CPS1: variants seen among roughly 807,000 people sequenced by gnomAD.
CPS1 encodes carbamoyl-phosphate synthase 1.
CPS1 carries 109 observed loss-of-function variants against 174.6 expected under a neutral mutation model. The ratio of observed to expected loss-of-function variants is 0.62; its 90% CI spans 0.53 to 0.73. The LOEUF (loss-of-function observed/expected upper bound fraction) is 0.73, where lower values mean the gene tolerates loss of function less well. Ranked by LOEUF, CPS1 falls within the 30% of genes least tolerant of loss-of-function variation. The pLI is 0.00. For synonymous variants in CPS1, 637 were observed against 632.0 expected (o/e 1.01, Z -0.12); for missense variants, 1,689 against 1,821.9 (o/e 0.93, Z 1.33).
At chr2:210,528,438 T>C (rs1696031258) in intron 1 of CPS1, among the ~76,000 whole-genome samples, 1 of 152,022 alleles carries the variant, frequency 6.6e-6, no homozygotes, top group African/African-American at 2.4e-5. Flanking sequence ...ATGTATTGAT[T>C]TAATTCATGT....
In CPS1 at chr2:210,491,307, G is replaced by GTTTTTTTTTTTTTTTTTTTT. The variant is rs66825517; in HGVS notation, c.3+13553_3+13572dup. ...GTAAAAGCATGTATTTGGTATCTGT[G>GTTTTTTTTTTTTTTTTTTTT]TTTTTTTTTTTTTTTTTTTTTTTTT... On this transcript the variant is annotated intron_variant, in intron 1 of 38. Coordinates refer to the CPS1 transcript ENST00000430249. 3.2e-4 allele frequency among the ~76,000 whole-genome samples: 16 copies of GTTTTTTTTTTTTTTTTTTTT among 50,354 alleles called. 3 individuals carry two copies. Among genetic ancestry groups the GTTTTTTTTTTTTTTTTTTTT allele is most frequent in the African/African-American group, 1.5e-3 (15 of 9,984 alleles). The allele number at this position is 50,354 out of a possible 152,430, so 33.0% of individuals were successfully genotyped here.
rs1252245982 is a variant in CPS1, at chr2:210,599,390, G to A, written c.1378G>A (p.Val460Ile). ...KAMKEENVKT[V>I]LMNPNIASVQ... Reference sequence around the variant, plus strand: ...CTTTCAGGAAGAAAATGTCAAAACTGTTCTGATGAACCCAAACATTGCATC... The same window carrying A: ...CTTTCAGGAAGAAAATGTCAAAACTATTCTGATGAACCCAAACATTGCATC... The change falls in exon 14 of 38, where the codon GTT becomes ATT. Residue 460 changes from valine to isoleucine, a missense_variant. Transcript: ENST00000233072. 6.2e-7 allele frequency: 1 copy of A among 1,612,292 alleles called. No homozygotes were observed. The highest frequency in any genetic ancestry group is 1.1e-5 in the South Asian group (1 of 91,066).
At chr2:210,591,682 T>G (rs1698303627) in intron 9 of CPS1, 149 bp from the exon 10 acceptor site, 1 of 805,274 alleles carries the variant, frequency 1.2e-6, no homozygotes, top group Non-Finnish European at 1.9e-6. Flanking sequence ...ATTAACAATC[T>G]GTGACTTTTC....
At chr2:210,557,447 G>A (rs1430531128) in intron 1 of CPS1, among the ~76,000 whole-genome samples, 1 of 151,950 alleles carries the variant, frequency 6.6e-6, no homozygotes, top group African/African-American at 2.4e-5. Context: ...AATACATAGA[G>A]GCAGATAGCA....
chr2:210,569,885 A>G (rs888816291), intron 1 of CPS1, among the ~76,000 whole-genome samples: 5 of 151,568 alleles, frequency 3.3e-5, no homozygotes, highest in Admixed American at 1.3e-4. Context: ...GGCAGTAGGC[A>G]CTTAAATTAT....
At chr2:210,575,699 C>T (rs1697674763) in intron 2 of CPS1, among the ~76,000 whole-genome samples, 1 of 151,970 alleles carries the variant, frequency 6.6e-6, no homozygotes, top group Non-Finnish European at 1.5e-5. Context: ...GAATTTTTTT[C>T]TAAGCAGATA....
intron 1 of CPS1, among the ~76,000 whole-genome samples, chr2:210,485,249 A>AAATAAAC (rs1694685220): frequency 6.6e-6 from 1 of 151,564 alleles, no homozygotes; most frequent in Non-Finnish European, 1.5e-5. Flanking sequence ...AAAAAAATAA[A>AAATAAAC]ATAAAAATAA....
intron 1 of CPS1, among the ~76,000 whole-genome samples, chr2:210,549,808 A>G (rs2664230): frequency 0.41 from 61,748 of 151,792 alleles, 12,770 homozygotes; most frequent in Middle Eastern, 0.51. Context: ...GCAGAAAGCA[A>G]TCCTGTTTCC....
chr2:210,495,176 T>A (rs1465094996), intron 1 of CPS1, among the ~76,000 whole-genome samples: 4 of 152,240 alleles, frequency 2.6e-5, no homozygotes, highest in Non-Finnish European at 5.9e-5. Flanking sequence ...CATTCTTTTT[T>A]ATGGTTTACT....
At chr2:210,534,034 C>A (rs1696184768) in intron 1 of CPS1, among the ~76,000 whole-genome samples, 1 of 152,086 alleles carries the variant, frequency 6.6e-6, no homozygotes, top group Non-Finnish European at 1.5e-5. Context: ...TTGGTTGCTC[C>A]TTGATTAGTC....
At chr2:210,648,208 T>C (rs1321991817) in intron 26 of CPS1, 151 bp downstream of exon 26, 1 of 787,988 alleles carries the variant, frequency 1.3e-6, no homozygotes, top group Non-Finnish European at 2.1e-6. Context: ...ATATCCATGA[T>C]TGCAGTTAAT....
intron 17 of CPS1, 40 bp downstream of exon 17, chr2:210,605,286 GT>G (rs1385808664): frequency 6.2e-7 from 1 of 1,608,774 alleles, no homozygotes; most frequent in African/African-American, 1.3e-5. Flanking sequence ...AATGCTTTCA[GT>G]TCATGTCTTT....
chr2:210,571,288 C>T (rs1697471264), intron 1 of CPS1, among the ~76,000 whole-genome samples: 2 of 151,838 alleles, frequency 1.3e-5, no homozygotes, highest in African/African-American at 4.8e-5. Flanking sequence ...ATCTTTAACT[C>T]AAAGATAATT....
intron 21 of CPS1, among the ~76,000 whole-genome samples, chr2:210,617,015 T>A (rs1015789594): frequency 6.6e-6 from 1 of 152,040 alleles, no homozygotes; most frequent in African/African-American, 2.4e-5. Flanking sequence ...TGTTTTTAAA[T>A]TGGGACATTC....
At chr2:210,541,942 T>C (rs1696443705) in intron 1 of CPS1, among the ~76,000 whole-genome samples, 1 of 152,140 alleles carries the variant, frequency 6.6e-6, no homozygotes, top group Admixed American at 6.6e-5. Context: ...CAGTACCAAC[T>C]GCTGTGGCCA....
chr2:210,661,959 G>T (rs1700938456), intron 32 of CPS1, among the ~76,000 whole-genome samples: 1 of 136,352 alleles, frequency 7.3e-6, no homozygotes, highest in Admixed American at 8.1e-5. Context: ...TGGCTGGAGT[G>T]CAGTGCCATG....
intron 1 of CPS1, among the ~76,000 whole-genome samples, chr2:210,495,356 G>A (rs529685814): frequency 6.6e-6 from 1 of 152,238 alleles, no homozygotes; most frequent in African/African-American, 2.4e-5. Flanking sequence ...GCATCTTTCT[G>A]TGATGTGCCT....
chr2:210,567,282 C>T (rs1416832560), intron 1 of CPS1, among the ~76,000 whole-genome samples: 3 of 152,098 alleles, frequency 2.0e-5, no homozygotes, highest in Non-Finnish European at 2.9e-5. Flanking sequence ...ATTATACCAA[C>T]ATTTACTGAA....
Position 210,497,893 on chromosome 2 carries a change from CATATATATATATATAT to C in CPS1, c.3+20138_3+20153del, listed in dbSNP as rs59178446. Among the ~76,000 whole-genome samples, 46 of 86,942 alleles carry C rather than the reference CATATATATATATATAT, an allele frequency of 5.3e-4. 1 individual carries two copies. In the East Asian group the frequency reaches 0.015, roughly 28 times the overall value. The allele number at this position is 86,942 out of a possible 152,430, so 57.0% of individuals were successfully genotyped here. A position where few individuals can be genotyped will look rare whatever the true frequency, so the allele number is the denominator to read the frequency against. On this transcript the variant is annotated intron_variant, in intron 1 of 38. Transcript: ENST00000430249. ...TTTTTGGTAGAACAATATATACATA[CATATATATATATATAT>C]ATATATATATCTCCAGTAATGCAGT...
Sources: gnomAD v4.1 joint callset for allele counts (sites outside exome capture counted in the v4.1 genomes callset) on GRCh38, gnomAD v4.1.1 for gene constraint, MANE v1.5 for transcripts, NCBI Gene and HGNC (gene_info 2026-07-23, HGNC 2026-07-21) for gene names.